NXN: variants seen among roughly 807,000 people sequenced by gnomAD.
The protein encoded by NXN is nucleoredoxin 1.
NXN carries 16 observed loss-of-function variants against 48.6 expected under a neutral mutation model. That is an observed-to-expected ratio of 0.33 (90% CI 0.22 to 0.50). The LOEUF (loss-of-function observed/expected upper bound fraction) is 0.50. Among genes scored for constraint, NXN ranks in the 20% least tolerant of loss-of-function variants. The pLI, the probability that NXN is intolerant of heterozygous loss-of-function variation, is 0.98. For missense variants in NXN, 492 were observed against 605.5 expected (o/e 0.81, Z 1.97); for synonymous variants, 281 against 269.6 (o/e 1.04, Z -0.41).
intron 1 of NXN, among the ~76,000 whole-genome samples, chr17:844,301 C>T (rs534300366): frequency 8.2e-5 from 12 of 145,790 alleles, no homozygotes; most frequent in African/African-American, 2.8e-4. Context: ...GGCCATCACA[C>T]GTCCCGTCCT....
chr17:889,914 C>CTTCCACG (rs1156444863), intron 1 of NXN, among the ~76,000 whole-genome samples: 1 of 152,116 alleles, frequency 6.6e-6, no homozygotes, highest in East Asian at 1.9e-4. Context: ...CACGTTTTCC[C>CTTCCACG]TTCGCTCCCC....
intron 1 of NXN, among the ~76,000 whole-genome samples, chr17:839,777 T>TG (rs1480352915): frequency 8.9e-5 from 9 of 101,514 alleles, no homozygotes; most frequent in South Asian, 3.2e-4. Context: ...CACTCCAGCC[T>TG]GGCGACAGAG....
rs1268155691 is a variant in NXN, at chr17:820,940, CA to C, written c.714-1396del. ...CTCCACCTAAAAAAAAAAAAAAAAACAAAAAAAAAAACTGACTGCTGCACCT... is the reference window on the plus strand; with the variant it reads ...CTCCACCTAAAAAAAAAAAAAAAAACAAAAAAAAAACTGACTGCTGCACCT... On this transcript the variant is annotated intron_variant, in intron 4 of 7. Coordinates refer to ENST00000336868, the MANE Select transcript of NXN (RefSeq NM_022463.5). Among the ~76,000 whole-genome samples the C allele has an allele frequency of 1.0e-3, 54 of 53,504 alleles. 20 individuals are homozygous for C. The highest frequency in any genetic ancestry group is 7.7e-3 in the East Asian group (14 of 1,812). 35.1% of individuals were successfully genotyped at this position (53,504 alleles called of 152,430 possible).
intron 1 of NXN, among the ~76,000 whole-genome samples, chr17:949,965 C>A (rs1052489312): frequency 8.6e-5 from 13 of 151,984 alleles, no homozygotes; most frequent in African/African-American, 3.1e-4. Context: ...AGCAATTAGC[C>A]CCAGGTCCTG....
At chr17:801,222 TC>T in intron 7 of NXN, 91 bp from the exon 8 acceptor site, 1 of 1,023,866 alleles carries the variant, frequency 9.8e-7, no homozygotes, top group Non-Finnish European at 1.3e-6. Context: ...GTGTGGTAGC[TC>T]CCGCACCCTG....
At chr17:905,179 G>A (rs77880084) in intron 1 of NXN, 24,287 of 151,958 alleles carry the variant, frequency 0.16, 2,544 homozygotes, top group Middle Eastern at 0.28. Flanking sequence ...TTAGAATGCC[G>A]AAGCAGGCAG....
chr17:912,025 C>A (rs979572821), intron 1 of NXN, among the ~76,000 whole-genome samples: 1 of 151,234 alleles, frequency 6.6e-6, no homozygotes, highest in Non-Finnish European at 1.5e-5. Flanking sequence ...GCAACCTCTG[C>A]CTCCCGAGTT....
chr17:950,423 G>C (rs932609269), intron 1 of NXN, among the ~76,000 whole-genome samples: 4 of 152,172 alleles, frequency 2.6e-5, no homozygotes, highest in African/African-American at 9.7e-5. Context: ...TCTTATCCAA[G>C]GCAGGGAACT....
chr17:921,241 G>C (rs1334852228), intron 1 of NXN, among the ~76,000 whole-genome samples: 1 of 151,910 alleles, frequency 6.6e-6, no homozygotes, highest in East Asian at 1.9e-4. Context: ...CACTCAAAAG[G>C]TAACTGTTTA....
Position 955,732 on chromosome 17 carries a change from T to TA in NXN, c.360+23586dup, listed in dbSNP as rs1291157529. On this transcript the variant is annotated intron_variant, in intron 1 of 7. Coordinates refer to ENST00000336868, the MANE Select transcript of NXN (RefSeq NM_022463.5). ...TAACACGGTGAAACCCTGTCTCTAC[T>TA]AAAAAAAAATACAAAAAAAATTAGC... Among the ~76,000 whole-genome samples, 97 of 147,530 alleles carry TA rather than the reference T, an allele frequency of 6.6e-4. 1 individual carries two copies. The highest frequency in any genetic ancestry group is 2.3e-3 in the African/African-American group (92 of 40,016).
In NXN at chr17:828,433, ACTCT is replaced by A. The variant is rs1264360586; in HGVS notation, c.361-2359_361-2356del. On this transcript the variant is annotated intron_variant, in intron 1 of 7. Transcript: ENST00000336868. ...TTTTTTTTTTTTTTAATGGAGTCTT[ACTCT>A]GTCACCCAGGCTAGAGTGCAATGGT... Among the ~76,000 whole-genome samples, 216 of 66,560 alleles carry A rather than the reference ACTCT, an allele frequency of 3.2e-3. 1 individual carries two copies. Among genetic ancestry groups the A allele is most frequent in the African/African-American group, 0.011 (175 of 15,978 alleles). The allele number at this position is 66,560 out of a possible 152,430, so 43.7% of individuals were successfully genotyped here.
intron 1 of NXN, among the ~76,000 whole-genome samples, chr17:976,551 T>C (rs1297106008): frequency 6.6e-6 from 1 of 152,180 alleles, no homozygotes; most frequent in Non-Finnish European, 1.5e-5. Flanking sequence ...ATTTTTATCA[T>C]TGGCGAAATG....
chr17:865,907 C>T (rs1375347951), intron 1 of NXN, among the ~76,000 whole-genome samples: 3 of 151,706 alleles, frequency 2.0e-5, no homozygotes, highest in Admixed American at 6.6e-5. Flanking sequence ...CGCTTGAACC[C>T]GGGAGGTGGA....
chr17:881,636 T>C (rs1439617555), intron 1 of NXN, among the ~76,000 whole-genome samples: 1 of 152,202 alleles, frequency 6.6e-6, no homozygotes, highest in Non-Finnish European at 1.5e-5. Context: ...CATCAGTATT[T>C]ACCCAAGATA....
At chr17:933,983 T>TC (rs369743402) in intron 1 of NXN, among the ~76,000 whole-genome samples, 47 of 152,294 alleles carry the variant, frequency 3.1e-4, no homozygotes, top group African/African-American at 1.0e-3. Context: ...GTGGCATGCC[T>TC]CACTATGTGA....
intron 1 of NXN, among the ~76,000 whole-genome samples, chr17:902,109 G>A (rs62070203): frequency 2.0e-5 from 3 of 152,132 alleles, no homozygotes; most frequent in Non-Finnish European, 4.4e-5. Context: ...AAATACCCTC[G>A]GGTGTTTGTC....
chr17:920,922 C>T lies in NXN; in HGVS notation c.360+58397G>A, dbSNP rs971613462. Among the ~76,000 whole-genome samples, 11 of 152,000 alleles carry T rather than the reference C, an allele frequency of 7.2e-5. No homozygotes were observed. The highest frequency in any genetic ancestry group is 2.2e-4 in the African/African-American group (9 of 41,390). On this transcript the variant is annotated intron_variant, in intron 1 of 7. Coordinates refer to ENST00000336868, the MANE Select transcript of NXN (RefSeq NM_022463.5). The surrounding 1 kb of genome is among the most constrained non-coding windows in gnomAD (Gnocchi z 4.6). ...AATTTTAGTAAAGACGGGGTTTTGC[C>T]ATGTTAGCCAGGCTGGTCTTGAACT...
chr17:916,985 G>A lies in NXN; in HGVS notation c.360+62334C>T, dbSNP rs187166231. On this transcript the variant is annotated intron_variant, in intron 1 of 7. Coordinates refer to ENST00000336868, the MANE Select transcript of NXN (RefSeq NM_022463.5). ...TAAATTTTCAAACCACCTTGAAGGT[G>A]GGTATTTTTGGTGGGTCTTTATCTT... Among the ~76,000 whole-genome samples, 16 of 152,290 alleles carry A rather than the reference G, an allele frequency of 1.1e-4. 1 individual carries two copies. The highest frequency in any genetic ancestry group is 3.6e-4 in the African/African-American group (15 of 41,552).
intron 1 of NXN, among the ~76,000 whole-genome samples, chr17:938,413 G>A (rs947895289): frequency 2.6e-5 from 4 of 152,206 alleles, no homozygotes; most frequent in Admixed American, 6.5e-5. Flanking sequence ...CGGGCGCGGC[G>A]GCTCACGCCT....
Sources: gnomAD v4.1 joint callset for allele counts (sites outside exome capture counted in the v4.1 genomes callset) on GRCh38, gnomAD v4.1.1 for gene constraint, Gnocchi (gnomAD v3.1) non-coding constraint, MANE v1.5 for transcripts, NCBI Gene and HGNC (gene_info 2026-07-23, HGNC 2026-07-21) for gene names.